Variants in EIPR1 observed in about 807,000 individuals in gnomAD.
EIPR1 encodes the protein EARP and GARP complex-interacting protein 1.
EIPR1 carries 25 observed loss-of-function variants against 48.1 expected under a neutral mutation model. The observed-to-expected ratio is 0.52, with a 90% CI of 0.38 to 0.73. The LOEUF (loss-of-function observed/expected upper bound fraction) is 0.73. Among genes scored for constraint, EIPR1 ranks in the 30% least tolerant of loss-of-function variants. EIPR1 has a pLI of 0.00. For synonymous variants in EIPR1, 204 were observed against 201.9 expected, an observed-to-expected ratio of 1.01 and a Z score of -0.09; for missense variants, 415 against 506.2, an observed-to-expected ratio of 0.82 and a Z score of 1.73.
intron 5 of EIPR1, chr2:3,208,956 C>T: frequency 6.7e-7 from 1 of 1,495,698 alleles, no homozygotes; most frequent in Non-Finnish European, 8.9e-7. Context: ...AGATTCTTCC[C>T]TCTAATAGGA....
intron 1 of EIPR1, among the ~76,000 whole-genome samples, chr2:3,356,680 G>A (rs1558318289): frequency 6.6e-6 from 1 of 152,184 alleles, no homozygotes; most frequent in Non-Finnish European, 1.5e-5. Context: ...AGATGAGGAG[G>A]CTCTCCTGGA....
At chr2:3,249,423 G>A (rs530686784) in intron 4 of EIPR1, among the ~76,000 whole-genome samples, 1 of 152,210 alleles carries the variant, frequency 6.6e-6, no homozygotes, top group East Asian at 1.9e-4. Context: ...GTATTCAAGA[G>A]GTAGCCTGGC....
At chr2:3,273,335 A>G (rs889517937) in intron 3 of EIPR1, among the ~76,000 whole-genome samples, 1 of 152,196 alleles carries the variant, frequency 6.6e-6, no homozygotes, top group Non-Finnish European at 1.5e-5. Flanking sequence ...GCTACCCTTC[A>G]TGCTTGGCCT....
chr2:3,209,518 T>C (rs192082548), intron 5 of EIPR1, among the ~76,000 whole-genome samples: 3 of 152,280 alleles, frequency 2.0e-5, no homozygotes, highest in East Asian at 1.9e-4. Context: ...GACGTCACTG[T>C]CAAACGCACA....
In EIPR1 at chr2:3,286,298, C is replaced by A. The variant is rs929026421; in HGVS notation, c.260-28843G>T. Reference sequence around the variant, plus strand: ...CGACAACTGCCGTCACCGTGCCTGCCTGTGTATGACGTGTACACACACTGC... The same window carrying A: ...CGACAACTGCCGTCACCGTGCCTGCATGTGTATGACGTGTACACACACTGC... On this transcript the variant is annotated intron_variant, in intron 3 of 8. Coordinates refer to ENST00000382125, the MANE Select transcript of EIPR1 (RefSeq NM_003310.5). The surrounding 1 kb of genome is among the most constrained non-coding windows in gnomAD (Gnocchi z 4.2). Among the ~76,000 whole-genome samples the A allele has an allele frequency of 1.3e-5, 2 of 152,232 alleles. No homozygotes were observed. Among genetic ancestry groups the A allele is most frequent in the African/African-American group, 4.8e-5 (2 of 41,464 alleles).
chr2:3,303,481 C>G (rs907337532), intron 3 of EIPR1, among the ~76,000 whole-genome samples: 1 of 152,272 alleles, frequency 6.6e-6, no homozygotes, highest in African/African-American at 2.4e-5. Flanking sequence ...CCGCCACTCA[C>G]AGCAGCAGTG....
rs530901818 is a variant in EIPR1, at chr2:3,244,349, G to A, written c.416+12950C>T. ...CAACTCTAGTTAAAATTCCTTACATGCAGGGTTAGTATACCTTCAGGCATA... is the reference window on the plus strand; with the variant it reads ...CAACTCTAGTTAAAATTCCTTACATACAGGGTTAGTATACCTTCAGGCATA... On this transcript the variant is annotated intron_variant, in intron 4 of 8. Coordinates refer to ENST00000382125, the MANE Select transcript of EIPR1 (RefSeq NM_003310.5). Among the ~76,000 whole-genome samples, 5 of 152,204 alleles carry A rather than the reference G, an allele frequency of 3.3e-5. No homozygotes were observed. In the South Asian group the frequency reaches 8.3e-4, roughly 25 times the overall value.
chr2:3,365,132 T>A (rs1670941382), intron 1 of EIPR1, among the ~76,000 whole-genome samples: 1 of 145,284 alleles, frequency 6.9e-6, no homozygotes, highest in Non-Finnish European at 1.5e-5. Context: ...TTTAAAAAAT[T>A]GTTTTAATTA....
At chr2:3,337,790 A>G (rs1465101732) in intron 3 of EIPR1, among the ~76,000 whole-genome samples, 1 of 152,216 alleles carries the variant, frequency 6.6e-6, no homozygotes, top group Non-Finnish European at 1.5e-5. Context: ...CAAGGGGTCA[A>G]CGTTCTCAGA....
intron 1 of EIPR1, among the ~76,000 whole-genome samples, chr2:3,360,201 C>T (rs1339471036): frequency 1.3e-5 from 2 of 151,988 alleles, no homozygotes; most frequent in Admixed American, 6.6e-5. Flanking sequence ...GTCAGGAGTT[C>T]GAGACCAGCC....
rs749054647 is a variant in EIPR1, at chr2:3,192,596, G to A, written c.822-15C>T. 4 of 1,607,392 alleles carry A rather than the reference G, an allele frequency of 2.5e-6. 1 individual carries two copies. In the South Asian group the frequency reaches 3.3e-5, roughly 13 times the overall value. On this transcript the variant is annotated splice_polypyrimidine_tract_variant and intron_variant, in intron 7 of 8. Transcript: ENST00000382125. ...CGTTCCACACCCTGCAAAGGGCAAG[G>A]CAGCTGCTGAAATGAACTGTCACCC... is the stretch of plus-strand genomic sequence containing the variant.
intron 1 of EIPR1, among the ~76,000 whole-genome samples, chr2:3,368,445 G>T (rs910834761): frequency 3.3e-5 from 5 of 152,132 alleles, no homozygotes; most frequent in African/African-American, 1.2e-4. Flanking sequence ...GGCAGATGTA[G>T]CCCTCACTCT....
At chr2:3,250,179 G>GA (rs1335427930) in intron 4 of EIPR1, among the ~76,000 whole-genome samples, 2 of 152,184 alleles carry the variant, frequency 1.3e-5, no homozygotes. Flanking sequence ...CCTGAGCCTG[G>GA]AAAAACCAAA....
intron 4 of EIPR1, among the ~76,000 whole-genome samples, chr2:3,229,359 C>T (rs748959124): frequency 2.6e-5 from 4 of 152,240 alleles, no homozygotes; most frequent in Non-Finnish European, 5.9e-5. Flanking sequence ...ATCCTTAATT[C>T]CTGTATTATC....
chr2:3,254,972 G>A (rs963782607), intron 4 of EIPR1, among the ~76,000 whole-genome samples: 2 of 152,170 alleles, frequency 1.3e-5, no homozygotes, highest in African/African-American at 2.4e-5. Flanking sequence ...AAGGATACAC[G>A]GGATCTCTCT....
In EIPR1 at chr2:3,255,040, A is replaced by T. The variant is rs529323323; in HGVS notation, c.416+2259T>A. Among the ~76,000 whole-genome samples, 30 of 152,332 alleles carry T rather than the reference A, an allele frequency of 2.0e-4. No homozygotes were observed. In the Middle Eastern group the frequency reaches 0.01, roughly 52 times the overall value. On this transcript the variant is annotated intron_variant, in intron 4 of 8. Transcript: ENST00000382125. ...CTCAAAATAAAAAGCTTAAGAGAAA[A>T]AAGAATATGCAATAATATATTGGAT...
intron 2 of EIPR1, among the ~76,000 whole-genome samples, chr2:3,344,629 T>A (rs1339257490): frequency 6.8e-6 from 1 of 147,706 alleles, no homozygotes; most frequent in Non-Finnish European, 1.5e-5. Flanking sequence ...ATACTGGTTC[T>A]GGTTCTTTTT....
chr2:3,296,476 T>A (rs1221130915), intron 3 of EIPR1, among the ~76,000 whole-genome samples: 1 of 90,896 alleles, frequency 1.1e-5, no homozygotes, highest in Non-Finnish European at 2.1e-5. Flanking sequence ...ACACCCTCCA[T>A]CCAACCCATC....
chr2:3,218,375 G>A (rs1665723780), intron 4 of EIPR1, among the ~76,000 whole-genome samples: 2 of 149,806 alleles, frequency 1.3e-5, no homozygotes. Flanking sequence ...CAGTGAGTCA[G>A]GTGCACACCC....
Sources: allele counts gnomAD v4.1 joint callset (sites outside exome capture counted in the v4.1 genomes callset), GRCh38; gene constraint gnomAD v4.1.1; non-coding constraint Gnocchi (gnomAD v3.1); transcripts MANE v1.5; gene names NCBI Gene and HGNC (gene_info 2026-07-23, HGNC 2026-07-21).